Variants in PIGG observed in about 807,000 individuals in gnomAD.
The protein encoded by PIGG is phosphatidylinositol glycan anchor biosynthesis class G (EMM blood group).
PIGG carries 70 observed loss-of-function variants against 83.2 expected under a neutral mutation model. The ratio of observed to expected loss-of-function variants is 0.84; its 90% CI spans 0.69 to 1.03. The LOEUF (loss-of-function observed/expected upper bound fraction) is 1.03, where lower values mean the gene tolerates loss of function less well. PIGG is among the 50% of genes least tolerant of loss of function. The probability of loss-of-function intolerance (pLI) is 0.00; values close to 1 mark genes in which losing one functional copy is unlikely to be tolerated. For missense variants in PIGG, 1,257 were observed against 1,233.6 expected (o/e 1.02, Z -0.28); for synonymous variants, 532 against 519.5 (o/e 1.02, Z -0.33).
intron 11 of PIGG, chr4:531,566 T>G (rs1729071247): frequency 6.5e-6 from 1 of 152,786 alleles, no homozygotes; most frequent in Non-Finnish European, 1.5e-5. Context: ...CATCCTCTTC[T>G]CCTTTCCTGG....
Position 521,119 on chromosome 4 carries a change from TGG to T in PIGG, c.1179_1180del (p.Glu394GlyfsTer68). On this transcript the variant is annotated frameshift_variant, in exon 7 of 13. Transcript: ENST00000453061. LOFTEE classifies it high-confidence loss of function. ...CATGGGAACTGGATCAGACTGTACT[TGG>T]AGGAAAAGCATTCAGAAGTCCTATT... 6.2e-7 allele frequency: 1 copy of T among 1,614,144 alleles called. No homozygotes were observed. Among genetic ancestry groups the T allele is most frequent in the Non-Finnish European group, 8.5e-7 (1 of 1,179,986 alleles).
Position 516,217 on chromosome 4 carries a change from G to A in PIGG, c.1114+32G>A. On this transcript the variant is annotated intron_variant, in intron 6 of 12. Transcript: ENST00000453061. ...CAACTCACCGTTTCGAGCTCTGTCA[G>A]AGCTGTGTGTTTCCACTGAGCTCGG... The A allele has an allele frequency of 2.0e-6, 3 of 1,473,640 alleles. No homozygotes were observed. The South Asian group carries it at 3.4e-5, about 17-fold the overall frequency. The allele number at this position is 1,473,640 out of a possible 1,614,324, so 91.3% of individuals were successfully genotyped here. A position where few individuals can be genotyped will look rare whatever the true frequency, so the allele number is the denominator to read the frequency against.
intron 10 of PIGG, among the ~76,000 whole-genome samples, chr4:529,348 A>G (rs1410180385): frequency 6.9e-6 from 1 of 144,830 alleles, no homozygotes; most frequent in East Asian, 1.9e-4. Flanking sequence ...GTTGCCAGGT[A>G]CCTGACCCCA....
At chr4:529,565 TG>T (rs1278078561) in intron 10 of PIGG, among the ~76,000 whole-genome samples, 1 of 152,230 alleles carries the variant, frequency 6.6e-6, no homozygotes, top group Admixed American at 6.5e-5. Context: ...ATTTGTAGGC[TG>T]TGTGAAGCAT....
chr4:510,425 C>A (rs1397201680), intron 5 of PIGG, among the ~76,000 whole-genome samples: 2 of 152,224 alleles, frequency 1.3e-5, no homozygotes, highest in African/African-American at 4.8e-5. Context: ...ACCCTCATTC[C>A]CGTAAACCCA....
intron 6 of PIGG, among the ~76,000 whole-genome samples, chr4:519,708 G>C (rs1460339394): frequency 1.3e-5 from 2 of 151,324 alleles, no homozygotes; most frequent in Non-Finnish European, 2.9e-5. Flanking sequence ...GCCTGCAGGC[G>C]TGTGGGTTCA....
intron 2 of PIGG, among the ~76,000 whole-genome samples, chr4:504,882 T>C (rs1452329622): frequency 3.3e-5 from 5 of 152,058 alleles, no homozygotes; most frequent in African/African-American, 4.8e-5. Context: ...TGGGGCAACA[T>C]TGAGGGTGGG....
rs371821568 is a variant in PIGG at position 539,325 on chromosome 4, G to A, written c.2908G>A (p.Val970Ile). ...MHLLITAAVC[V>I]FFTAMDQTRL... is the part of the protein sequence containing the mutation. ...CCTGCTCATTACAGCTGCTGTCTGT[G>A]TATTCTTCACGGCAATGGATCAAAC... Residue 970 changes from valine to isoleucine, a missense_variant, in exon 13 of 13, where the codon GTA becomes ATA. Coordinates refer to ENST00000453061, the MANE Select transcript of PIGG (RefSeq NM_001127178.3). 2 of 1,613,636 alleles carry A rather than the reference G, an allele frequency of 1.2e-6. No homozygotes were observed. The highest frequency in any genetic ancestry group is 1.1e-5 in the South Asian group (1 of 91,022).
rs148735427 is a variant in PIGG at position 536,468 on chromosome 4, G to A, written c.2735+2487G>A. Among the ~76,000 whole-genome samples the A allele has an allele frequency of 1.1e-3, 166 of 152,346 alleles. 2 individuals are homozygous for A. The highest frequency in any genetic ancestry group is 3.9e-3 in the South Asian group (19 of 4,830). On this transcript the variant is annotated intron_variant, in intron 12 of 12. Coordinates refer to ENST00000453061, the MANE Select transcript of PIGG (RefSeq NM_001127178.3). ...AGCAGAAAGCTGAGGCTCTGCGGGC[G>A]GAAGCCACCAACAGACCAGCTTGGG...
intron 6 of PIGG, among the ~76,000 whole-genome samples, chr4:520,041 G>A (rs1029740344): frequency 6.6e-6 from 1 of 152,192 alleles, no homozygotes; most frequent in African/African-American, 2.4e-5. Context: ...CGGGCCTGCA[G>A]GCGTATGAGT....
Position 519,764 on chromosome 4 carries a change from G to A in PIGG, c.1115-1292G>A, listed in dbSNP as rs1328357182. On this transcript the variant is annotated intron_variant, in intron 6 of 12. Transcript: ENST00000453061. ...GCAGCAGTGGGGTGGGCCTGCAGGC[G>A]TGTGGGTTCACGCTCAGGGACCTGG... Among the ~76,000 whole-genome samples, 11 of 126,476 alleles carry A rather than the reference G, an allele frequency of 8.7e-5. No individual in the cohort carries two copies. The South Asian group carries it at 1.6e-3, about 18-fold the overall frequency. 83.0% of individuals were successfully genotyped at this position (126,476 alleles called of 152,430 possible). A position where few individuals can be genotyped will look rare whatever the true frequency, so the allele number is the denominator to read the frequency against.
At chr4:538,748 C>A (rs1458300288) in intron 12 of PIGG, among the ~76,000 whole-genome samples, 3 of 152,304 alleles carry the variant, frequency 2.0e-5, no homozygotes, top group Middle Eastern at 3.4e-3. Flanking sequence ...GCACTTCCAG[C>A]ACATACTGTA....
At chr4:530,844 T>C (rs771225283) in intron 11 of PIGG, 99 bp downstream of exon 11, 17 of 814,244 alleles carry the variant, frequency 2.1e-5, no homozygotes, top group Non-Finnish European at 3.2e-5. Context: ...GGAAAGTGAC[T>C]GTCAGTGTGG....
chr4:527,015 C>A (rs762157020), intron 9 of PIGG, 24 bp from the exon 10 acceptor site: 53 of 1,613,772 alleles, frequency 3.3e-5, no homozygotes, highest in Non-Finnish European at 4.4e-5. Context: ...TTACGTAATG[C>A]TGGCATTTTC....
rs780219531 is a variant in PIGG, at chr4:530,480, T to A, written c.2306T>A (p.Ile769Asn). 3.7e-6 allele frequency: 6 copies of A among 1,613,968 alleles called. No individual in the cohort carries two copies. The South Asian group carries it at 6.6e-5, about 18-fold the overall frequency. The change falls in exon 11 of 13, where the codon ATT becomes AAT. Residue 769 changes from isoleucine to asparagine, a missense_variant. Ile to Asn is a moderately radical substitution (Grantham distance 149). Coordinates refer to ENST00000453061, the MANE Select transcript of PIGG (RefSeq NM_001127178.3). ...TTTGTTTATGTCTTTGTCCTTGGCA[T>A]TCTGTTCACGGGCACCAAAGACTTA... ...ARFVYVFVLG[I>N]LFTGTKDLLK...
chr4:523,812 C>T lies in PIGG; in HGVS notation c.1968C>T (p.Ala656=), dbSNP rs530483618. 1 of 1,613,160 alleles carries T rather than the reference C, an allele frequency of 6.2e-7. No homozygotes were observed. The highest frequency in any genetic ancestry group is 1.1e-5 in the South Asian group (1 of 91,016). Residue 656 remains alanine (A), a synonymous_variant, in exon 9 of 13, where the codon GCC becomes GCT. Coordinates refer to ENST00000453061, the MANE Select transcript of PIGG (RefSeq NM_001127178.3). ...LRGREKWMVL[A]SPWLILACCR... ...GCCGCGAGAAGTGGATGGTGCTGGC[C>T]AGTCCGTGGCTAATACTGGCCTGCT... is the stretch of plus-strand genomic sequence containing the variant.
chr4:500,274 T>C (rs1160720781), intron 1 of PIGG, 122 bp from the exon 2 acceptor site: 1 of 705,024 alleles, frequency 1.4e-6, no homozygotes, highest in South Asian at 1.8e-5. Flanking sequence ...TCCTTTTGGG[T>C]TGGGTTATGT....
In PIGG at chr4:516,152, CTG is replaced by C; in HGVS notation, c.1083_1084del (p.Leu362AlafsTer8). On this transcript the variant is annotated frameshift_variant, in exon 6 of 13. Coordinates refer to ENST00000453061, the MANE Select transcript of PIGG (RefSeq NM_001127178.3). LOFTEE classifies it high-confidence loss of function. ...TTTGAATACAGTGCAGCTTAGTAAACTGTTGCAAGAGAATGTGCCGTCATATG... is the reference window on the plus strand; with the variant it reads ...TTTGAATACAGTGCAGCTTAGTAAACTTGCAAGAGAATGTGCCGTCATATG... ...LHLNTVQLSK[L>X]LQENVPSYEK... 1 of 1,613,884 alleles carries C rather than the reference CTG, an allele frequency of 6.2e-7. No individual in the cohort carries two copies. Among genetic ancestry groups the C allele is most frequent in the East Asian group, 2.2e-5 (1 of 44,884 alleles).
In PIGG at chr4:500,405, C is replaced by G. The variant is rs34120878; in HGVS notation, c.164C>G (p.Ser55Cys). Residue 55 changes from serine to cysteine, a missense_variant, in exon 2 of 13, where the codon TCT becomes TGT. By Grantham distance (112) the Ser-to-Cys change is moderately radical (BLOSUM62 -1). Coordinates refer to ENST00000453061, the MANE Select transcript of PIGG (RefSeq NM_001127178.3). ...TCTTTCAAACACTTAGGAGCCAGTT[C>G]TAACTGGACCACGCTGCCACCACCT... Reference protein sequence around the residue: ...PAPEPSAGASSNWTTLPPPLF... With the variant: ...PAPEPSAGASCNWTTLPPPLF... 94 of 1,612,750 alleles carry G rather than the reference C, an allele frequency of 5.8e-5. No individual in the cohort carries two copies. In the African/African-American group the frequency reaches 1.0e-3, roughly 17 times the overall value.
Sources: gnomAD v4.1 joint callset for allele counts (sites outside exome capture counted in the v4.1 genomes callset) on GRCh38, gnomAD v4.1.1 for gene constraint, MANE v1.5 for transcripts, NCBI Gene and HGNC (gene_info 2026-07-23, HGNC 2026-07-21) for gene names.